Variants in GPC1 observed in about 807,000 individuals in gnomAD.
GPC1 encodes the protein glypican 1, also known as glypican-1.
GPC1 carries 26 observed loss-of-function variants against 51.5 expected under a neutral mutation model. That is an observed-to-expected ratio of 0.50 (90% CI 0.37 to 0.70). The LOEUF is 0.70. GPC1 is among the 30% of genes least tolerant of loss of function. The probability of loss-of-function intolerance (pLI) is 0.00; values close to 1 mark genes in which losing one functional copy is unlikely to be tolerated. For missense variants in GPC1, 775 were observed against 800.5 expected, an observed-to-expected ratio of 0.97 and a Z score of 0.38; for synonymous variants, 380 against 348.3, an observed-to-expected ratio of 1.09 and a Z score of -1.01.
chr2:240,464,160 T>C, intron 4 of GPC1: 1 of 223,856 alleles, frequency 4.5e-6, no homozygotes, highest in Non-Finnish European at 9.0e-6. Context: ...GCTTTACTTG[T>C]ACATGTGCTC....
intron 1 of GPC1, among the ~76,000 whole-genome samples, chr2:240,442,790 C>T (rs920319319): frequency 2.0e-5 from 3 of 152,232 alleles, no homozygotes; most frequent in African/African-American, 2.4e-5. Context: ...GACCCCGAGG[C>T]TCTGGGTGTT....
intron 4 of GPC1, 61 bp from the exon 5 acceptor site, chr2:240,464,555 G>A (rs563242143): frequency 8.0e-5 from 24 of 298,494 alleles, no homozygotes; most frequent in South Asian, 1.1e-4. Flanking sequence ...CTGCGTGTGC[G>A]TGTCAACGCC....
In GPC1 at chr2:240,435,895, GC is replaced by G; in HGVS notation, c.-22del. ...GATCCGAGAGAGGCGCGGGCGGGTG[GC>G]CGGGGGCGCCGCCGGCCCCGCCATG... On this transcript the variant is annotated 5_prime_UTR_variant, in exon 1 of 9. Transcript: ENST00000264039. 1.6e-6 allele frequency: 2 copies of G among 1,223,000 alleles called. No homozygotes were observed. The highest frequency in any genetic ancestry group is 2.0e-6 in the Non-Finnish European group (2 of 980,118). The allele number at this position is 1,223,000 out of a possible 1,614,324, so 75.8% of individuals were successfully genotyped here. A position where few individuals can be genotyped will look rare whatever the true frequency, so the allele number is the denominator to read the frequency against.
intron 1 of GPC1, chr2:240,451,135 C>G: frequency 2.1e-6 from 1 of 471,220 alleles, no homozygotes; most frequent in African/African-American, 2.0e-5. Context: ...GTTCCTTCCC[C>G]AGTGTTTATG....
intron 1 of GPC1, among the ~76,000 whole-genome samples, chr2:240,438,084 G>C (rs1342238764): frequency 1.3e-5 from 2 of 152,198 alleles, no homozygotes; most frequent in East Asian, 1.9e-4. Context: ...TCCACCCCGC[G>C]TGGGGAGTAC....
Position 240,448,125 on chromosome 2 carries a change from C to A in GPC1, c.167-10905C>A, listed in dbSNP as rs2074064232. On this transcript the variant is annotated intron_variant, in intron 1 of 8. Transcript: ENST00000264039. This position sits in a 1 kb window ranked among gnomAD's most constrained non-coding sequence, Gnocchi z 4.5. ...GGCAGCTGGTTTTCAGGAAGAGAGT[C>A]AAGGGTGGAGAGTTCAGGAGGCACC... Among the ~76,000 whole-genome samples the A allele has an allele frequency of 6.6e-6, 1 of 152,106 alleles. No homozygotes were observed. Among genetic ancestry groups the A allele is most frequent in the African/African-American group, 2.4e-5 (1 of 41,414 alleles).
In GPC1 at chr2:240,466,379, G is replaced by A. The variant is rs2074262070; in HGVS notation, c.*89G>A. On this transcript the variant is annotated 3_prime_UTR_variant, in exon 9 of 9. Transcript: ENST00000264039. ...TATTTAATTCACCTCAGCCTGGAGA[G>A]GCCTGGGGTGGGACAGGGAGGGCCG... 3.9e-6 allele frequency: 3 copies of A among 772,862 alleles called. No individual in the cohort carries two copies. Among genetic ancestry groups the A allele is most frequent in the Non-Finnish European group, 6.5e-6 (3 of 463,330 alleles). 47.9% of individuals were successfully genotyped at this position (772,862 alleles called of 1,614,324 possible). A position where few individuals can be genotyped will look rare whatever the true frequency, so the allele number is the denominator to read the frequency against.
chr2:240,463,391 C>G lies in GPC1; in HGVS notation c.762C>G (p.Val254=). The G allele has an allele frequency of 6.2e-7, 1 of 1,612,922 alleles. No homozygotes were observed. Among genetic ancestry groups the G allele is most frequent in the African/African-American group, 1.3e-5 (1 of 75,038 alleles). The change falls in exon 4 of 9, where the codon GTC becomes GTG. Residue 254 remains valine (V), a synonymous_variant. Coordinates refer to ENST00000264039, the MANE Select transcript of GPC1 (RefSeq NM_002081.3). ...GCTCGAGAGCTGTCATGAAGCTGGTCTACTGTGCTCACTGCCTGGGAGTCC... is the reference window on the plus strand; with the variant it reads ...GCTCGAGAGCTGTCATGAAGCTGGTGTACTGTGCTCACTGCCTGGGAGTCC... ...PECSRAVMKL[V]YCAHCLGVPG... is the part of the protein sequence containing the mutation.
chr2:240,466,377 G>C lies in GPC1; in HGVS notation c.*87G>C. On this transcript the variant is annotated 3_prime_UTR_variant, in exon 9 of 9. Transcript: ENST00000264039. ...GATATTTAATTCACCTCAGCCTGGAGAGGCCTGGGGTGGGACAGGGAGGGC... is the reference window on the plus strand; with the variant it reads ...GATATTTAATTCACCTCAGCCTGGACAGGCCTGGGGTGGGACAGGGAGGGC... 1 of 787,250 alleles carries C rather than the reference G, an allele frequency of 1.3e-6. No homozygotes were observed. The highest frequency in any genetic ancestry group is 1.7e-5 in the African/African-American group (1 of 58,486). 48.8% of individuals were successfully genotyped at this position (787,250 alleles called of 1,614,324 possible). A position where few individuals can be genotyped will look rare whatever the true frequency, so the allele number is the denominator to read the frequency against.
rs779059220 is a variant in GPC1, at chr2:240,459,124, C to T, written c.261C>T (p.Thr87=). The T allele has an allele frequency of 1.2e-5, 20 of 1,612,590 alleles. No homozygotes were observed. The highest frequency in any genetic ancestry group is 6.7e-5 in the East Asian group (3 of 44,896). ...ACCGCAGCCATGCCGAGCTGGAGACCGCGCTCCGGGACAGCAGCCGCGTCC... is the reference window on the plus strand; with the variant it reads ...ACCGCAGCCATGCCGAGCTGGAGACTGCGCTCCGGGACAGCAGCCGCGTCC... ...LANRSHAELE[T]ALRDSSRVLQ... The change falls in exon 2 of 9, where the codon ACC becomes ACT. Residue 87 remains threonine (T), a synonymous_variant. Transcript: ENST00000264039.
In GPC1 at chr2:240,459,088, G is replaced by C; in HGVS notation, c.225G>C (p.Glu75Asp). The change falls in exon 2 of 9, where the codon GAG becomes GAC. Residue 75 changes from glutamate to aspartate, a missense_variant. Coordinates refer to ENST00000264039, the MANE Select transcript of GPC1 (RefSeq NM_002081.3). ...GYTCCTSEME[E>D]NLANRSHAEL... Reference sequence around the variant, plus strand: ...CCTGCTGCACCAGCGAGATGGAGGAGAACCTGGCCAACCGCAGCCATGCCG... The same window carrying C: ...CCTGCTGCACCAGCGAGATGGAGGACAACCTGGCCAACCGCAGCCATGCCG... 2 of 1,612,902 alleles carry C rather than the reference G, an allele frequency of 1.2e-6. No homozygotes were observed. The highest frequency in any genetic ancestry group is 1.7e-6 in the Non-Finnish European group (2 of 1,179,916).
chr2:240,439,871 C>T (rs956685853), intron 1 of GPC1, among the ~76,000 whole-genome samples: 2 of 152,230 alleles, frequency 1.3e-5, no homozygotes, highest in African/African-American at 2.4e-5. Context: ...CTCATCATCC[C>T]CAGCGTGAGG....
Position 240,459,071 on chromosome 2 carries a change from A to G in GPC1, c.208A>G (p.Thr70Ala), listed in dbSNP as rs2074194576. ...RICPQGYTCC[T>A]SEMEENLANR... Reference sequence around the variant, plus strand: ...CTGTCCCCAGGGCTACACCTGCTGCACCAGCGAGATGGAGGAGAACCTGGC... The same window carrying G: ...CTGTCCCCAGGGCTACACCTGCTGCGCCAGCGAGATGGAGGAGAACCTGGC... The change falls in exon 2 of 9, where the codon ACC becomes GCC. Residue 70 changes from threonine to alanine, a missense_variant. By Grantham distance (58) the Thr-to-Ala change is moderately conservative. Transcript: ENST00000264039. The G allele has an allele frequency of 6.2e-7, 1 of 1,612,750 alleles. No individual in the cohort carries two copies. Among genetic ancestry groups the G allele is most frequent in the African/African-American group, 1.3e-5 (1 of 74,924 alleles).
rs1480115098 is a variant in GPC1 at position 240,467,227 on chromosome 2, C to T, written c.*937C>T. 2 of 152,322 alleles carry T rather than the reference C, an allele frequency of 1.3e-5. No homozygotes were observed. The highest frequency in any genetic ancestry group is 2.4e-5 in the African/African-American group (1 of 41,452). The allele number at this position is 152,322 out of a possible 1,614,324, so 9.4% of individuals were successfully genotyped here. A position where few individuals can be genotyped will look rare whatever the true frequency, so the allele number is the denominator to read the frequency against. ...TGACACAGGTCAGGGCTCAGAGTGA[C>T]CCTCAGCTGTCACCTGCTCACAGGG... On this transcript the variant is annotated 3_prime_UTR_variant, in exon 9 of 9. Transcript: ENST00000264039.
In GPC1 at chr2:240,462,560, A is replaced by G; in HGVS notation, c.695A>G (p.Asp232Gly). ...SFVQGLGVAS[D>G]VVRKVAQVPL... The stretch of plus-strand genomic sequence containing the variant: ...GTGCAGGGCCTGGGCGTGGCCAGCG[A>G]CGTGGTCCGGAAAGTGGCTCAGGTG... Residue 232 changes from aspartate to glycine, a missense_variant, in exon 3 of 9, where the codon GAC (aspartate) becomes GGC (glycine). Coordinates refer to ENST00000264039, the MANE Select transcript of GPC1 (RefSeq NM_002081.3). 6.5e-7 allele frequency: 1 copy of G among 1,531,706 alleles called. No homozygotes were observed. The highest frequency in any genetic ancestry group is 8.8e-7 in the Non-Finnish European group (1 of 1,142,636). 94.9% of individuals were successfully genotyped at this position (1,531,706 alleles called of 1,614,324 possible).
chr2:240,441,858 G>T (rs1040708497), intron 1 of GPC1, among the ~76,000 whole-genome samples: 6 of 152,232 alleles, frequency 3.9e-5, no homozygotes, highest in Non-Finnish European at 8.8e-5. Context: ...GCAGCCAGGT[G>T]TTGGGTGAGG....
intron 2 of GPC1, among the ~76,000 whole-genome samples, chr2:240,459,725 C>T (rs1224429398): frequency 6.6e-6 from 1 of 152,164 alleles, no homozygotes; most frequent in East Asian, 1.9e-4. Flanking sequence ...GTGACCCCTG[C>T]AGGCCTTGAG....
intron 2 of GPC1, among the ~76,000 whole-genome samples, chr2:240,460,987 G>GC (rs1319333634): frequency 3.3e-5 from 5 of 152,076 alleles, no homozygotes; most frequent in South Asian, 2.1e-4. Context: ...CCCTGTGTCC[G>GC]CCCCCCCACC....
rs1007856838 is a variant in GPC1, at chr2:240,457,289, A to G, written c.167-1741A>G. On this transcript the variant is annotated intron_variant, in intron 1 of 8. Transcript: ENST00000264039. ...CTCGCTCTCCCAGGCCCCTCTGACA[A>G]CCTGTCTCCTTGCTGTCATGTCAGC... 198 of 406,032 alleles carry G rather than the reference A, an allele frequency of 4.9e-4. 3 individuals are homozygous for G. The highest frequency in any genetic ancestry group is 4.9e-3 in the Admixed American group (193 of 39,680). The allele number at this position is 406,032 out of a possible 1,614,324, so 25.2% of individuals were successfully genotyped here.
Sources: gnomAD v4.1 joint callset for allele counts (sites outside exome capture counted in the v4.1 genomes callset) on GRCh38, gnomAD v4.1.1 for gene constraint, Gnocchi (gnomAD v3.1) non-coding constraint, MANE v1.5 for transcripts, NCBI Gene and HGNC (gene_info 2026-07-23, HGNC 2026-07-21) for gene names.